MAN2B2: variants seen among roughly 807,000 people sequenced by gnomAD.
MAN2B2 encodes the protein epididymis-specific alpha-mannosidase.
A neutral mutation model predicts 117.1 loss-of-function variants in MAN2B2; 106 were observed. The observed-to-expected ratio is 0.90, with a 90% CI of 0.77 to 1.06. MAN2B2 has a LOEUF of 1.06. Ranked by LOEUF, MAN2B2 falls within the 50% of genes least tolerant of loss-of-function variation. The probability of loss-of-function intolerance (pLI) is 0.00; values close to 1 mark genes in which losing one functional copy is unlikely to be tolerated. For missense variants in MAN2B2, 1,326 were observed against 1,381.4 expected, an observed-to-expected ratio of 0.96 and a Z score of 0.64; for synonymous variants, 544 against 595.1, an observed-to-expected ratio of 0.91 and a Z score of 1.25.
At chr4:6,579,349 T>TCACCACCATCACCACCACCAC (rs1726315699) in intron 3 of MAN2B2, among the ~76,000 whole-genome samples, 1 of 35,886 alleles carries the variant, frequency 2.8e-5, no homozygotes, top group Non-Finnish European at 5.4e-5. Context: ...ACCATCACCA[T>TCACCACCATCACCACCACCAC]CACCACCACC....
chr4:6,613,971 A>G (rs766172731), intron 15 of MAN2B2, among the ~76,000 whole-genome samples: 5 of 152,076 alleles, frequency 3.3e-5, no homozygotes, highest in Non-Finnish European at 7.4e-5. Context: ...CTACTTTGAG[A>G]TGGTTAGGCT....
intron 3 of MAN2B2, among the ~76,000 whole-genome samples, chr4:6,579,103 C>T (rs1726219112): frequency 1.2e-5 from 1 of 86,784 alleles, no homozygotes; most frequent in South Asian, 4.3e-4. Context: ...TCACCAGCAC[C>T]ACCACCATCA....
At chr4:6,597,021 G>A (rs111974871) in intron 7 of MAN2B2, 92 bp from the exon 8 acceptor site, 16 of 1,312,838 alleles carry the variant, frequency 1.2e-5, no homozygotes, top group Middle Eastern at 1.9e-4. Flanking sequence ...GGCTGCCTCT[G>A]CAGCCCCAGC....
chr4:6,581,080 AT>A lies in MAN2B2; in HGVS notation c.391+2591del, dbSNP rs199880601. On this transcript the variant is annotated intron_variant, in intron 3 of 18. Transcript: ENST00000285599. ...TGTTCTAGGTACAAGATGTACACGTATTTTTTTTTCAGTCCTCAGGGCAATC... is the reference window on the plus strand; with the variant it reads ...TGTTCTAGGTACAAGATGTACACGTATTTTTTTTCAGTCCTCAGGGCAATC... Among the ~76,000 whole-genome samples the A allele has an allele frequency of 2.2e-4, 33 of 151,454 alleles. No homozygotes were observed. In the East Asian group the frequency reaches 6.0e-3, roughly 28 times the overall value.
Position 6,617,505 on chromosome 4 carries a change from A to C in MAN2B2, c.2814+13A>C. ...AGTGAATCTGGAGGTGAACTTCCCC[A>C]CCCCCATCCAGACCATAAGCCAGGG... On this transcript the variant is annotated intron_variant, in intron 17 of 18. Coordinates refer to ENST00000285599, the MANE Select transcript of MAN2B2 (RefSeq NM_015274.3). The C allele has an allele frequency of 6.2e-7, 1 of 1,613,510 alleles. No individual in the cohort carries two copies. The highest frequency in any genetic ancestry group is 8.5e-7 in the Non-Finnish European group (1 of 1,179,758).
At chr4:6,621,118 C>G (rs1712150750) in intron 18 of MAN2B2, 70 bp from the exon 19 acceptor site, 1 of 1,097,766 alleles carries the variant, frequency 9.1e-7, no homozygotes. Context: ...TAGACAGGTG[C>G]AGGGGGTGAG....
At position 6,594,694 on chromosome 4, in the gene MAN2B2, G is replaced by A. The variant is rs371247313; in HGVS notation, c.1019G>A (p.Arg340His). 9.9e-6 allele frequency: 16 copies of A among 1,612,684 alleles called. No individual in the cohort carries two copies. The highest frequency in any genetic ancestry group is 6.7e-5 in the Admixed American group (4 of 60,000). The change falls in exon 7 of 19, where the codon CGT becomes CAT. Residue 340 changes from arginine (R) to histidine (H), a missense_variant. Coordinates refer to ENST00000285599, the MANE Select transcript of MAN2B2 (RefSeq NM_015274.3). Reference protein sequence around the residue: ...RALHALNVTWRVRDHHDFLPY... With the variant: ...RALHALNVTWHVRDHHDFLPY... Reference sequence around the variant, plus strand: ...CTGCACGCTCTCAATGTCACCTGGCGTGTCCGCGACCACCACGACTTCCTG... The same window carrying A: ...CTGCACGCTCTCAATGTCACCTGGCATGTCCGCGACCACCACGACTTCCTG...
chr4:6,588,575 C>T (rs1164392178), intron 4 of MAN2B2, among the ~76,000 whole-genome samples: 2 of 152,178 alleles, frequency 1.3e-5, no homozygotes, highest in African/African-American at 2.4e-5. Flanking sequence ...ATTAGCCGGG[C>T]GTGGTAGCAA....
intron 7 of MAN2B2, among the ~76,000 whole-genome samples, chr4:6,595,960 A>G (rs1235093144): frequency 6.6e-6 from 1 of 152,086 alleles, no homozygotes; most frequent in African/African-American, 2.4e-5. Context: ...GGGTTGGGGG[A>G]TGTCCGTGGA....
chr4:6,580,581 C>G (rs569569369), intron 3 of MAN2B2, among the ~76,000 whole-genome samples: 1 of 152,194 alleles, frequency 6.6e-6, no homozygotes, highest in African/African-American at 2.4e-5. Flanking sequence ...TCATTCTCCA[C>G]CCTCCTCCTC....
chr4:6,589,192 TCAGA>T, intron 5 of MAN2B2, 32 bp downstream of exon 5: 1 of 1,533,068 alleles, frequency 6.5e-7, no homozygotes, highest in Non-Finnish European at 9.0e-7. Flanking sequence ...CTTTGGGATC[TCAGA>T]CAGCAGGGTC....
chr4:6,579,277 C>T (rs866910790), intron 3 of MAN2B2, among the ~76,000 whole-genome samples: 17 of 107,704 alleles, frequency 1.6e-4, no homozygotes, highest in Admixed American at 3.0e-4. Flanking sequence ...ACCATCACCA[C>T]CACCATCACC....
rs4689490 is a variant in MAN2B2, at chr4:6,617,477, G to A, written c.2799G>A (p.Val933=). The stretch of plus-strand genomic sequence containing the variant: ...AGGACCCAGTCCTGTCTCAGCCAGT[G>A]ACAGTGAATCTGGAGGTGAACTTCC... ...VGEDPVLSQP[V]TVNLEAVLQA... is the part of the protein sequence containing the mutation. The change falls in exon 17 of 19, where the codon GTG becomes GTA. Residue 933 remains valine, a synonymous_variant. Coordinates refer to ENST00000285599, the MANE Select transcript of MAN2B2 (RefSeq NM_015274.3). 1,361,812 of 1,613,768 alleles carry A rather than the reference G, an allele frequency of 0.84. 586,622 individuals are homozygous for A. The highest frequency in any genetic ancestry group is 0.88 in the Non-Finnish European group (1,041,640 of 1,179,862).
chr4:6,579,308 C>T (rs1467500963), intron 3 of MAN2B2, among the ~76,000 whole-genome samples: 1 of 120,156 alleles, frequency 8.3e-6, no homozygotes, highest in Non-Finnish European at 1.9e-5. Flanking sequence ...CCATCACCAC[C>T]ACCACCACCA....
At chr4:6,576,850 A>G in intron 2 of MAN2B2, 126 bp downstream of exon 2, 1 of 1,056,234 alleles carries the variant, frequency 9.5e-7, no homozygotes, top group Non-Finnish European at 1.4e-6. Context: ...CCAAAACCCC[A>G]CCGGGCTATT....
chr4:6,576,614 T>G lies in MAN2B2; in HGVS notation c.175T>G (p.Ser59Ala). ...MRAYAANVYT[S>A]VVEELARGQQ... ...GGCGTACGCCGCCAATGTCTACACC[T>G]CAGTGGTGGAAGAGCTGGCCCGCGG... is the stretch of plus-strand genomic sequence containing the variant. The change falls in exon 2 of 19, where the codon TCA becomes GCA. Residue 59 changes from serine (S) to alanine (A), a missense_variant. Physicochemically the swap from Ser to Ala is moderately conservative, Grantham distance 99 (BLOSUM62 1). Coordinates refer to ENST00000285599, the MANE Select transcript of MAN2B2 (RefSeq NM_015274.3). 1 of 1,613,686 alleles carries G rather than the reference T, an allele frequency of 6.2e-7. No homozygotes were observed. Among genetic ancestry groups the G allele is most frequent in the South Asian group, 1.1e-5 (1 of 91,082 alleles).
chr4:6,609,483 C>A, intron 12 of MAN2B2, 185 bp downstream of exon 12: 1 of 673,054 alleles, frequency 1.5e-6, no homozygotes, highest in Non-Finnish European at 2.5e-6. Context: ...TGTGCTGTGT[C>A]ACGTTGGTTG....
chr4:6,582,541 T>C (rs568023688), intron 3 of MAN2B2, among the ~76,000 whole-genome samples: 2 of 152,264 alleles, frequency 1.3e-5, no homozygotes, highest in South Asian at 4.1e-4. Flanking sequence ...GATCTCACCA[T>C]GTTGGCCAGG....
Position 6,621,408 on chromosome 4 carries a change from C to T in MAN2B2, c.*123C>T. On this transcript the variant is annotated 3_prime_UTR_variant, in exon 19 of 19. Coordinates refer to ENST00000285599, the MANE Select transcript of MAN2B2 (RefSeq NM_015274.3). ...GGGGAGTCAGCTGCTCATCTGCAGGCTAATGGCAGGAAATGGTCATATTTG... is the reference window on the plus strand; with the variant it reads ...GGGGAGTCAGCTGCTCATCTGCAGGTTAATGGCAGGAAATGGTCATATTTG... 1.4e-6 allele frequency: 1 copy of T among 702,652 alleles called. No homozygotes were observed. The highest frequency in any genetic ancestry group is 2.1e-5 in the South Asian group (1 of 47,834). The allele number at this position is 702,652 out of a possible 1,614,324, so 43.5% of individuals were successfully genotyped here. A position where few individuals can be genotyped will look rare whatever the true frequency, so the allele number is the denominator to read the frequency against.
Sources: allele counts gnomAD v4.1 joint callset (sites outside exome capture counted in the v4.1 genomes callset), GRCh38; gene constraint gnomAD v4.1.1; transcripts MANE v1.5; gene names NCBI Gene and HGNC (gene_info 2026-07-23, HGNC 2026-07-21).